The following PCDHGA2 variants were observed in gnomAD, a reference collection of about 807,000 sequenced individuals.
PCDHGA2 encodes protocadherin gamma subfamily A, 2.
In PCDHGA2, 40 loss-of-function variants were observed where a neutral mutation model predicts 59.2. The ratio of observed to expected loss-of-function variants is 0.68; its 90% confidence interval spans 0.52 to 0.88. PCDHGA2 has a LOEUF of 0.88. Ranked by LOEUF, PCDHGA2 falls within the 40% of genes least tolerant of loss-of-function variation. The pLI is 0.00. For missense variants in PCDHGA2, 1,226 were observed against 1,204.0 expected (o/e 1.02, Z -0.27); for synonymous variants, 560 against 526.0 (o/e 1.06, Z -0.89).
At chr5:141,384,231 C>T in intron 1 of PCDHGA2, 2 of 1,613,928 alleles carry the variant, frequency 1.2e-6, no homozygotes, top group Non-Finnish European at 1.7e-6. Flanking sequence ...AGGTGGCAGA[C>T]ACCAACGATA....
chr5:141,428,029 C>T (rs775747505), intron 1 of PCDHGA2: 1 of 1,607,160 alleles, frequency 6.2e-7, no homozygotes, highest in Non-Finnish European at 8.5e-7. Flanking sequence ...GCCGCAGAGT[C>T]CGGCTACCTG....
intron 1 of PCDHGA2, chr5:141,421,478 G>C: frequency 6.2e-7 from 1 of 1,614,130 alleles, no homozygotes. Context: ...CGAAGCGGCA[G>C]CTTGATCACG....
chr5:141,419,175 C>T (rs185228661), intron 1 of PCDHGA2: 2 of 1,613,966 alleles, frequency 1.2e-6, no homozygotes, highest in Non-Finnish European at 1.7e-6. Flanking sequence ...AAAACCATAA[C>T]CCTGCACATT....
chr5:141,357,569 C>T lies in PCDHGA2; in HGVS notation c.2424+16174C>T, dbSNP rs755555398. On this transcript the variant is annotated intron_variant, in intron 1 of 3. Coordinates refer to ENST00000394576, the MANE Select transcript of PCDHGA2 (RefSeq NM_018915.4). ...CGGGAGAGTTGTGAGAAAAGCGAGCCTCTTCTGATAACTCAGGATTTACTT... is the reference window on the plus strand; with the variant it reads ...CGGGAGAGTTGTGAGAAAAGCGAGCTTCTTCTGATAACTCAGGATTTACTT... 60 of 1,614,090 alleles carry T rather than the reference C, an allele frequency of 3.7e-5. No individual in the cohort carries two copies. Among genetic ancestry groups the T allele is most frequent in the Non-Finnish European group, 4.7e-5 (56 of 1,180,048 alleles).
chr5:141,400,190 T>G (rs914854634), intron 1 of PCDHGA2: 1 of 1,613,898 alleles, frequency 6.2e-7, no homozygotes, highest in Non-Finnish European at 8.5e-7. Context: ...CAGTTTTACC[T>G]AGTGGTGGCC....
In PCDHGA2 at chr5:141,438,591, C is replaced by T. The variant is rs12717894; in HGVS notation, c.2425-56216C>T. 3.5e-3 allele frequency among the ~76,000 whole-genome samples: 262 copies of T among 75,376 alleles called. 1 individual carries two copies. The highest frequency in any genetic ancestry group is 4.5e-3 in the Non-Finnish European group (168 of 37,204). 49.4% of individuals were successfully genotyped at this position (75,376 alleles called of 152,430 possible). ...TCTGATATACATACATACATACATA[C>T]ATATATATATATATATATATATATA... On this transcript the variant is annotated intron_variant, in intron 1 of 3. Transcript: ENST00000394576.
Position 141,477,584 on chromosome 5 carries a change from G to A in PCDHGA2, c.2425-17223G>A. 5 of 1,614,148 alleles carry A rather than the reference G, an allele frequency of 3.1e-6. No homozygotes were observed. Among genetic ancestry groups the A allele is most frequent in the Non-Finnish European group, 4.2e-6 (5 of 1,180,032 alleles). On this transcript the variant is annotated intron_variant, in intron 1 of 3. Coordinates refer to ENST00000394576, the MANE Select transcript of PCDHGA2 (RefSeq NM_018915.4). This position sits in a 1 kb window ranked among gnomAD's most constrained non-coding sequence, Gnocchi z 4.9. ...CTGGGACCCCGACGCCCCGCAGAAT[G>A]CTCGGCTTTCTTTCTTTCTCTTGGA...
rs746046310 is a variant in PCDHGA2, at chr5:141,410,427, A to C, written c.2424+69032A>C. The C allele has an allele frequency of 1.9e-6, 3 of 1,613,714 alleles. No homozygotes were observed. The Admixed American group carries it at 5.0e-5, about 27-fold the overall frequency. On this transcript the variant is annotated intron_variant, in intron 1 of 3. Coordinates refer to ENST00000394576, the MANE Select transcript of PCDHGA2 (RefSeq NM_018915.4). ...AAGTCTGGACCTGTAGTTCCCCCCA[A>C]CTACAGTGAGGGGACTTTGCCTTAT...
rs200312693 is a variant in PCDHGA2 at position 141,364,360 on chromosome 5, C to T, written c.2424+22965C>T. 1.5e-3 allele frequency: 2,261 copies of T among 1,558,460 alleles called. 3 individuals carry two copies. The highest frequency in any genetic ancestry group is 1.8e-3 in the Non-Finnish European group (2,074 of 1,154,776). On this transcript the variant is annotated intron_variant, in intron 1 of 3. Transcript: ENST00000394576. ...CGAGTCCACCTAGGGGCTGGGGCTG[C>T]GGAGAGCTGCTGCTGCCCTTCATGC...
intron 1 of PCDHGA2, chr5:141,399,842 A>T (rs749737928): frequency 6.2e-7 from 1 of 1,612,970 alleles, no homozygotes; most frequent in South Asian, 1.1e-5. Context: ...GCGCTCTTCG[A>T]TATGGTGCCG....
At chr5:141,346,685 G>A (rs980687326) in intron 1 of PCDHGA2, among the ~76,000 whole-genome samples, 8 of 152,170 alleles carry the variant, frequency 5.3e-5, no homozygotes, top group Admixed American at 1.3e-4. Context: ...TGAAAGTAAA[G>A]TGTCACTTCC....
At chr5:141,364,165 C>T (rs556224229) in intron 1 of PCDHGA2, 4 of 699,984 alleles carry the variant, frequency 5.7e-6, no homozygotes, top group Admixed American at 7.5e-5. Context: ...CAGAGGCGAC[C>T]CGACTCTGCT....
At chr5:141,445,553 A>G (rs948468877) in intron 1 of PCDHGA2, among the ~76,000 whole-genome samples, 1 of 152,252 alleles carries the variant, frequency 6.6e-6, no homozygotes, top group Non-Finnish European at 1.5e-5. Context: ...ATACAAAAGC[A>G]CTAAGAGAAA....
intron 1 of PCDHGA2, among the ~76,000 whole-genome samples, chr5:141,380,089 G>A (rs1333618493): frequency 6.6e-6 from 1 of 151,698 alleles, no homozygotes; most frequent in Non-Finnish European, 1.5e-5. Flanking sequence ...TAGTAGAGAT[G>A]GGGTTTTACC....
chr5:141,360,389 T>G, intron 1 of PCDHGA2: 1 of 1,613,908 alleles, frequency 6.2e-7, no homozygotes, highest in Non-Finnish European at 8.5e-7. Context: ...GGAGACTTAC[T>G]TGTGAGTGAC....
Position 141,383,402 on chromosome 5 carries a change from A to T in PCDHGA2, c.2424+42007A>T, listed in dbSNP as rs757890929. 4.3e-6 allele frequency: 7 copies of T among 1,614,034 alleles called. No individual in the cohort carries two copies. In the Admixed American group the frequency reaches 8.3e-5, roughly 19 times the overall value. The stretch of plus-strand genomic sequence containing the variant: ...CCAGATGTGGGCACGAACTCCCTCC[A>T]GAGTTACCAGCTCAGCCCCAATCGC... On this transcript the variant is annotated intron_variant, in intron 1 of 3. Transcript: ENST00000394576.
At position 141,489,852 on chromosome 5, in the gene PCDHGA2, C is replaced by G. The variant is rs1197191101; in HGVS notation, c.2425-4955C>G. ...TAGAGCAGCAGCTGGATCGTGAAGC[C>G]CAGGCAAGACATCAGCTGGTGCTTA... On this transcript the variant is annotated intron_variant, in intron 1 of 3. Transcript: ENST00000394576. This position sits in a 1 kb window ranked among gnomAD's most constrained non-coding sequence, Gnocchi z 4.5. The G allele has an allele frequency of 6.2e-7, 1 of 1,614,034 alleles. No homozygotes were observed. Among genetic ancestry groups the G allele is most frequent in the Admixed American group, 1.7e-5 (1 of 60,004 alleles).
At chr5:141,455,740 G>C (rs2098830344) in intron 1 of PCDHGA2, among the ~76,000 whole-genome samples, 1 of 152,136 alleles carries the variant, frequency 6.6e-6, no homozygotes, top group Non-Finnish European at 1.5e-5. Context: ...GCATATCAAA[G>C]GTTGCTGGCC....
At chr5:141,505,673 G>C (rs1389292278) in intron 3 of PCDHGA2, among the ~76,000 whole-genome samples, 192 bp downstream of exon 3, 1 of 152,178 alleles carries the variant, frequency 6.6e-6, no homozygotes, top group East Asian at 1.9e-4. Context: ...AGGGGTTGGG[G>C]GTCCTGGGAT....
Sources: gnomAD v4.1 joint callset for allele counts (sites outside exome capture counted in the v4.1 genomes callset) on GRCh38, gnomAD v4.1.1 for gene constraint, Gnocchi (gnomAD v3.1) non-coding constraint, MANE v1.5 for transcripts, NCBI Gene and HGNC (gene_info 2026-07-23, HGNC 2026-07-21) for gene names.